Variants in CCDC187 observed in about 807,000 individuals in gnomAD.
CCDC187 encodes coiled-coil domain-containing protein 187.
CCDC187 carries 32 observed loss-of-function variants against 38.0 expected under a neutral mutation model. That is an observed-to-expected ratio of 0.84 (90% confidence interval 0.64 to 1.13). CCDC187 has a LOEUF of 1.13. CCDC187 is among the 50% of genes most tolerant of loss of function. The probability of loss-of-function intolerance (pLI) is 0.00; values close to 1 mark genes in which losing one functional copy is unlikely to be tolerated. For synonymous variants in CCDC187, 333 were observed against 347.9 expected (o/e 0.96, Z 0.48); for missense variants, 707 against 786.8 (o/e 0.90, Z 1.21).
intron 14 of CCDC187, among the ~76,000 whole-genome samples, chr9:136,270,170 G>A (rs782135188): frequency 6.6e-6 from 1 of 152,258 alleles, no homozygotes; most frequent in East Asian, 1.9e-4. Flanking sequence ...TTCTCCCCAT[G>A]TGCGGAGATG....
intron 2 of CCDC187, 49 bp downstream of exon 2, chr9:136,302,763 C>T (rs935672939): frequency 3.0e-5 from 12 of 399,000 alleles, no homozygotes; most frequent in African/African-American, 1.0e-4. Context: ...TCCACCCTCC[C>T]GACAGCCTCG....
rs1482103341 is a variant in CCDC187 at position 136,267,317 on chromosome 9, G to A, written c.3647+67C>T. 1.4e-5 allele frequency: 13 copies of A among 932,168 alleles called. No homozygotes were observed. The African/African-American group carries it at 2.0e-4, about 14-fold the overall frequency. 57.7% of individuals were successfully genotyped at this position (932,168 alleles called of 1,614,324 possible). On this transcript the variant is annotated intron_variant, in intron 16 of 25. Coordinates refer to ENST00000638797, the MANE Select transcript of CCDC187 (RefSeq NM_001378188.1). ...GGGGCAGGGAGGGGGCGGGGCTACAGCAGGGCGGGGCTACAGCAGGGCGGG... is the reference window on the plus strand; with the variant it reads ...GGGGCAGGGAGGGGGCGGGGCTACAACAGGGCGGGGCTACAGCAGGGCGGG...
upstream of CCDC187, among the ~76,000 whole-genome samples, chr9:136,305,718 A>G (rs1427822832): frequency 6.6e-6 from 1 of 152,234 alleles, no homozygotes; most frequent in East Asian, 1.9e-4. Flanking sequence ...ATGCGTGGAA[A>G]TGCGTCGCTG....
chr9:136,292,200 TG>T lies in CCDC187; in HGVS notation c.927del (p.Ser309ArgfsTer14), dbSNP rs1831348703. ...GPPPVLRRHH[S>X]KDPSRDPALT... ...AGAGCCGGGTCTCTCGAGGGATCCTTGCTATGGTGCCTGCGGAGGACGGGAG... is the reference window on the plus strand; with the variant it reads ...AGAGCCGGGTCTCTCGAGGGATCCTTCTATGGTGCCTGCGGAGGACGGGAG... On this transcript the variant is annotated frameshift_variant, in exon 5 of 26. Transcript: ENST00000638797. LOFTEE classifies it high-confidence loss of function. 1.0e-5 allele frequency: 4 copies of T among 398,706 alleles called. No homozygotes were observed. The highest frequency in any genetic ancestry group is 1.8e-5 in the Non-Finnish European group (4 of 226,250). The allele number at this position is 398,706 out of a possible 1,614,324, so 24.7% of individuals were successfully genotyped here.
At chr9:136,275,491 C>T (rs1830914588) in intron 12 of CCDC187, among the ~76,000 whole-genome samples, 2 of 152,132 alleles carry the variant, frequency 1.3e-5, no homozygotes, top group South Asian at 2.1e-4. Context: ...CACACCCACA[C>T]GTGTGCACGC....
At position 136,291,306 on chromosome 9, in the gene CCDC187, G is replaced by A. The variant is rs2131308114; in HGVS notation, c.1307C>T (p.Ser436Phe). 5.0e-6 allele frequency: 2 copies of A among 398,736 alleles called. No individual in the cohort carries two copies. Among genetic ancestry groups the A allele is most frequent in the East Asian group, 3.6e-5 (1 of 28,076 alleles). 24.7% of individuals were successfully genotyped at this position (398,736 alleles called of 1,614,324 possible). The part of the protein sequence containing the change: ...SPWAMTERKH[S>F]SLERARSVHT... ...GACACTCCTAGCCCTCTCTAAAGAGGAATGCTTCCTCTCTGTCATGGCCCA... is the reference window on the plus strand; with the variant it reads ...GACACTCCTAGCCCTCTCTAAAGAGAAATGCTTCCTCTCTGTCATGGCCCA... Residue 436 changes from serine (S) to phenylalanine (F), a missense_variant, in exon 6 of 26, where the codon TCC (serine) becomes TTC (phenylalanine). By Grantham distance (155) the Ser-to-Phe change is radical. Coordinates refer to ENST00000638797, the MANE Select transcript of CCDC187 (RefSeq NM_001378188.1).
rs1232670103 is a variant in CCDC187, at chr9:136,275,442, CCA to C, written c.3226-437_3226-436del. Among the ~76,000 whole-genome samples, 7 of 151,778 alleles carry C rather than the reference CCA, an allele frequency of 4.6e-5. No homozygotes were observed. In the Middle Eastern group the frequency reaches 0.01, roughly 221 times the overall value. The stretch of plus-strand genomic sequence containing the variant: ...TCTGAGGCTGCCTGTATGTGTACTC[CCA>C]CACACACACACGTGCACACACACCC... On this transcript the variant is annotated intron_variant, in intron 12 of 25. Transcript: ENST00000638797.
intron 4 of CCDC187, among the ~76,000 whole-genome samples, chr9:136,293,245 A>ACATGCTTACACACTCACT (rs1831393931): frequency 7.0e-6 from 1 of 142,974 alleles, no homozygotes; most frequent in Non-Finnish European, 1.5e-5. Context: ...GCTCACACTC[A>ACATGCTTACACACTCACT]CATGCTTACA....
intron 14 of CCDC187, among the ~76,000 whole-genome samples, chr9:136,272,581 T>G (rs1322521895): frequency 3.3e-5 from 5 of 151,970 alleles, no homozygotes; most frequent in Non-Finnish European, 5.9e-5. Flanking sequence ...TGCACACTTG[T>G]AATCCCAGCT....
In CCDC187 at chr9:136,290,005, T is replaced by C; in HGVS notation, c.2176A>G (p.Lys726Glu). The part of the protein sequence containing the change: ...SLESPVLEWS[K>E]VTSGMVLGGQ... ...CCCAGCACCATGCCAGAGGTCACTT[T>C]GCTCCATTCCAGCACTGGGGACTCC... is the stretch of plus-strand genomic sequence containing the variant. Residue 726 changes from lysine (K) to glutamate (E), a missense_variant, in exon 7 of 26, where the codon AAA becomes GAA. Transcript: ENST00000638797. 1 of 398,612 alleles carries C rather than the reference T, an allele frequency of 2.5e-6. No individual in the cohort carries two copies. Among genetic ancestry groups the C allele is most frequent in the East Asian group, 3.6e-5 (1 of 28,066 alleles). 24.7% of individuals were successfully genotyped at this position (398,612 alleles called of 1,614,324 possible).
intron 7 of CCDC187, among the ~76,000 whole-genome samples, chr9:136,289,556 C>T (rs1390732786): frequency 3.3e-5 from 5 of 150,490 alleles, no homozygotes; most frequent in South Asian, 2.1e-4. Flanking sequence ...TAGGCAAATC[C>T]GTCGAGGCAG....
intron 16 of CCDC187, 32 bp downstream of exon 16, chr9:136,267,352 G>A: frequency 1.0e-6 from 1 of 983,164 alleles, no homozygotes; most frequent in African/African-American, 1.8e-5. Context: ...GGCTACGGCG[G>A]GGCGGGGCCG....
At chr9:136,296,263 A>C (rs1441009434) in intron 4 of CCDC187, 3 of 152,218 alleles carry the variant, frequency 2.0e-5, no homozygotes, top group Non-Finnish European at 4.4e-5. Flanking sequence ...GGCACTGCTC[A>C]CACTTGGAGT....
Position 136,262,389 on chromosome 9 carries a change from C to T in CCDC187, c.3986G>A (p.Cys1329Tyr). The T allele has an allele frequency of 1.0e-6, 1 of 986,534 alleles. No homozygotes were observed. Among genetic ancestry groups the T allele is most frequent in the Non-Finnish European group, 1.2e-6 (1 of 830,778 alleles). 61.1% of individuals were successfully genotyped at this position (986,534 alleles called of 1,614,324 possible). A position where few individuals can be genotyped will look rare whatever the true frequency, so the allele number is the denominator to read the frequency against. Residue 1329 changes from cysteine to tyrosine, a missense_variant, in exon 19 of 26, where the codon TGT becomes TAT. By Grantham distance (194) the Cys-to-Tyr change is radical (BLOSUM62 -2). Transcript: ENST00000638797. ...GCTGGGCCTGCATGGGGTCAGGGGA[C>T]ACAGGGAGGCCTCTGGCTGCTGGCT... ...ETSQQPEASL[C>Y]PLTPCRPSSS...
chr9:136,255,561 A>T, intron 25 of CCDC187, 96 bp downstream of exon 25: 2 of 448,614 alleles, frequency 4.5e-6, no homozygotes, highest in African/African-American at 2.1e-5. Flanking sequence ...GGGGCTGCGT[A>T]TTGTGGGGAG....
At chr9:136,295,197 G>T (rs1239678731) in intron 4 of CCDC187, among the ~76,000 whole-genome samples, 1 of 152,234 alleles carries the variant, frequency 6.6e-6, no homozygotes, top group African/African-American at 2.4e-5. Flanking sequence ...GGGAGCCCCG[G>T]TGGGGTTTCT....
At chr9:136,305,081 C>T (rs1004685187), upstream of CCDC187, among the ~76,000 whole-genome samples, 1 of 152,200 alleles carries the variant, frequency 6.6e-6, no homozygotes, top group Non-Finnish European at 1.5e-5. Context: ...CACGGGCATC[C>T]AGGGCACAGA....
chr9:136,256,008 TG>T lies in CCDC187; in HGVS notation c.4616+202del, dbSNP rs549678406. Among the ~76,000 whole-genome samples, 9 of 152,248 alleles carry T rather than the reference TG, an allele frequency of 5.9e-5. No homozygotes were observed. The South Asian group carries it at 1.7e-3, about 28-fold the overall frequency. ...GGGTTCGAAGCCGCTCTGCTGACCT[TG>T]GGCTGATTCATGGGTGACATTTTTA... On this transcript the variant is annotated intron_variant, in intron 24 of 25. Coordinates refer to ENST00000638797, the MANE Select transcript of CCDC187 (RefSeq NM_001378188.1).
At chr9:136,295,270 A>T (rs1297335527) in intron 4 of CCDC187, among the ~76,000 whole-genome samples, 1 of 152,132 alleles carries the variant, frequency 6.6e-6, no homozygotes, top group Non-Finnish European at 1.5e-5. Flanking sequence ...CCGCCTGGGG[A>T]GGGGCTGCCC....
Sources: allele counts gnomAD v4.1 joint callset (sites outside exome capture counted in the v4.1 genomes callset), GRCh38; gene constraint gnomAD v4.1.1; transcripts MANE v1.5; gene names NCBI Gene and HGNC (gene_info 2026-07-23, HGNC 2026-07-21).